BIVM: variants seen among roughly 807,000 people sequenced by gnomAD.
The protein encoded by BIVM is basic, immunoglobulin-like variable motif containing.
Under a neutral mutation model 61.4 loss-of-function variants are expected in BIVM, and 31 were observed. The observed-to-expected ratio is 0.51, with a 90% CI of 0.38 to 0.68. The LOEUF is 0.68. Ranked by LOEUF, BIVM falls within the 30% of genes least tolerant of loss-of-function variation. The pLI, the probability that BIVM is intolerant of heterozygous loss-of-function variation, is 0.00. For missense variants in BIVM, 526 were observed against 596.0 expected (o/e 0.88, Z 1.22); for synonymous variants, 189 against 210.7 (o/e 0.90, Z 0.89).
rs1397697253 is a variant in BIVM at position 102,840,495 on chromosome 13, T to G, written c.*630T>G. ...TCCTGGAGATCGAGACCATCCTGGC[T>G]AACATGGTGAAACCCCGTCTCTACT... On this transcript the variant is annotated 3_prime_UTR_variant, in exon 11 of 11. Coordinates refer to ENST00000257336, the MANE Select transcript of BIVM (RefSeq NM_017693.4). 1 of 152,266 alleles carries G rather than the reference T, an allele frequency of 6.6e-6. No homozygotes were observed. Among genetic ancestry groups the G allele is most frequent in the Non-Finnish European group, 1.5e-5 (1 of 68,204 alleles). The allele number at this position is 152,266 out of a possible 1,614,324, so 9.4% of individuals were successfully genotyped here.
At position 102,822,589 on chromosome 13, in the gene BIVM, T is replaced by C. The variant is rs569626975; in HGVS notation, c.901+430T>C. Reference sequence around the variant, plus strand: ...TTGATGTTAGACCTGTGTGGTGACATATAATGGCAGGAAAATAGACTGTTG... The same window carrying C: ...TTGATGTTAGACCTGTGTGGTGACACATAATGGCAGGAAAATAGACTGTTG... On this transcript the variant is annotated intron_variant, in intron 7 of 10. Transcript: ENST00000257336. Among the ~76,000 whole-genome samples the C allele has an allele frequency of 4.6e-5, 7 of 152,310 alleles. No homozygotes were observed. The East Asian group carries it at 1.4e-3, about 29-fold the overall frequency.
At chr13:102,829,034 A>G (rs1469429891) in intron 7 of BIVM, among the ~76,000 whole-genome samples, 2 of 151,870 alleles carry the variant, frequency 1.3e-5, no homozygotes, top group African/African-American at 4.8e-5. Flanking sequence ...TTAAAATAAA[A>G]AAGATGTCAG....
Position 102,805,346 on chromosome 13 carries a change from G to T in BIVM, c.-167G>T, listed in dbSNP as rs1247626510. 1 of 152,192 alleles carries T rather than the reference G, an allele frequency of 6.6e-6. No individual in the cohort carries two copies. The highest frequency in any genetic ancestry group is 2.4e-5 in the African/African-American group (1 of 41,432). 9.4% of individuals were successfully genotyped at this position (152,192 alleles called of 1,614,324 possible). ...TTGAAATTCAGTTTTTCCTGAAACT[G>T]ATCAGAAGTTAGTGACACCTTGATT... On this transcript the variant is annotated 5_prime_UTR_variant, in exon 2 of 11. Coordinates refer to ENST00000257336, the MANE Select transcript of BIVM (RefSeq NM_017693.4).
chr13:102,829,754 G>A (rs1880933080), intron 7 of BIVM, among the ~76,000 whole-genome samples: 1 of 152,118 alleles, frequency 6.6e-6, no homozygotes, highest in African/African-American at 2.4e-5. Flanking sequence ...CATGAGGATT[G>A]TTTGAACCGG....
At chr13:102,806,180 A>C (rs1879066021) in intron 2 of BIVM, among the ~76,000 whole-genome samples, 1 of 68,834 alleles carries the variant, frequency 1.5e-5, no homozygotes, top group Admixed American at 1.4e-4. Context: ...TGAGGTGTTA[A>C]TCTCATTGTG....
chr13:102,807,017 C>A lies in BIVM; in HGVS notation c.-122-129C>A. On this transcript the variant is annotated intron_variant, in intron 2 of 10. Transcript: ENST00000257336. The surrounding 1 kb of genome is among the most constrained non-coding windows in gnomAD (Gnocchi z 4.0). ...TTAAAAAATAAGATAGTGATTGTGACTCCAGTCATATAGTAGTTGTAAAAT... is the reference window on the plus strand; with the variant it reads ...TTAAAAAATAAGATAGTGATTGTGAATCCAGTCATATAGTAGTTGTAAAAT... The A allele has an allele frequency of 2.7e-6, 1 of 363,714 alleles. No individual in the cohort carries two copies. The highest frequency in any genetic ancestry group is 4.9e-6 in the Non-Finnish European group (1 of 204,802). 22.5% of individuals were successfully genotyped at this position (363,714 alleles called of 1,614,324 possible).
chr13:102,832,768 T>G (rs1881180221), intron 8 of BIVM, among the ~76,000 whole-genome samples: 2 of 152,256 alleles, frequency 1.3e-5, no homozygotes, highest in Non-Finnish European at 2.9e-5. Flanking sequence ...CTTTCATGGT[T>G]ATATTTCTTT....
intron 6 of BIVM, 66 bp downstream of exon 6, chr13:102,821,913 T>C: frequency 6.4e-7 from 1 of 1,566,382 alleles, no homozygotes; most frequent in Non-Finnish European, 8.8e-7. Context: ...GATGTAGATG[T>C]GTGTTGATAG....
At chr13:102,813,537 T>C (rs1320721479) in intron 3 of BIVM, among the ~76,000 whole-genome samples, 1 of 152,232 alleles carries the variant, frequency 6.6e-6, no homozygotes, top group Non-Finnish European at 1.5e-5. Flanking sequence ...TCTACTTTAA[T>C]TTCTTATCTG....
rs1014420542 is a variant in BIVM, at chr13:102,803,697, C to G, written c.-206-1610C>G. On this transcript the variant is annotated intron_variant, in intron 1 of 10. Transcript: ENST00000257336. ...ATAACCTTTGTCTATTGCCTCTCACCGAGACTATATGCTCTTTCATTCCTC... is the reference window on the plus strand; with the variant it reads ...ATAACCTTTGTCTATTGCCTCTCACGGAGACTATATGCTCTTTCATTCCTC... Among the ~76,000 whole-genome samples the G allele has an allele frequency of 3.3e-5, 5 of 152,020 alleles. No individual in the cohort carries two copies. In the East Asian group the frequency reaches 5.8e-4, roughly 18 times the overall value.
intron 7 of BIVM, among the ~76,000 whole-genome samples, chr13:102,824,387 TTTAAAATA>T (rs1352218807): frequency 6.6e-6 from 1 of 152,252 alleles, no homozygotes; most frequent in Non-Finnish European, 1.5e-5. Context: ...TTAATTTCTT[TTTAAAATA>T]TGAGGGTCAC....
chr13:102,841,317 T>C lies in BIVM; in HGVS notation c.*1452T>C, dbSNP rs1256384254. 4.6e-5 allele frequency: 7 copies of C among 152,774 alleles called. No individual in the cohort carries two copies. The East Asian group carries it at 1.3e-3, about 29-fold the overall frequency. The allele number at this position is 152,774 out of a possible 1,614,324, so 9.5% of individuals were successfully genotyped here. ...GGTTCAGATTTTTATTTTTAAAATA[T>C]TTTCATTTTTTTCTTGAATTTTATA... On this transcript the variant is annotated 3_prime_UTR_variant, in exon 11 of 11. Coordinates refer to ENST00000257336, the MANE Select transcript of BIVM (RefSeq NM_017693.4).
At chr13:102,813,453 C>G (rs9518843) in intron 3 of BIVM, among the ~76,000 whole-genome samples, 54,441 of 151,908 alleles carry the variant, frequency 0.36, 11,643 homozygotes, top group Non-Finnish European at 0.49. Flanking sequence ...GCTTCTATTT[C>G]TCATCTGAGA....
At chr13:102,838,777 G>T in intron 10 of BIVM, 38 bp downstream of exon 10, 1 of 1,585,116 alleles carries the variant, frequency 6.3e-7, no homozygotes. Flanking sequence ...GCATTTCCCA[G>T]CTGACCAAAA....
intron 1 of BIVM, among the ~76,000 whole-genome samples, chr13:102,804,396 C>T (rs758449035): frequency 2.6e-5 from 4 of 152,296 alleles, no homozygotes; most frequent in Non-Finnish European, 5.9e-5. Flanking sequence ...CTGCAACCTC[C>T]ACCTCCTGGG....
intron 1 of BIVM, among the ~76,000 whole-genome samples, chr13:102,799,905 G>T (rs921336315): frequency 6.6e-6 from 1 of 152,216 alleles, no homozygotes; most frequent in Non-Finnish European, 1.5e-5. Context: ...TCCACGCCAC[G>T]CTGGGCAGGG....
rs551772344 is a variant in BIVM, at chr13:102,831,372, A to C, written c.902-193A>C. Among the ~76,000 whole-genome samples the C allele has an allele frequency of 1.2e-3, 184 of 152,360 alleles. 1 individual carries two copies. Among genetic ancestry groups the C allele is most frequent in the African/African-American group, 4.2e-3 (173 of 41,600 alleles). On this transcript the variant is annotated intron_variant, in intron 7 of 10. Coordinates refer to ENST00000257336, the MANE Select transcript of BIVM (RefSeq NM_017693.4). Reference sequence around the variant, plus strand: ...TTGCTAATGAGCTTACCTGAATTTCAGTTTAAAGAGTAAAACAGAATACAT... The same window carrying C: ...TTGCTAATGAGCTTACCTGAATTTCCGTTTAAAGAGTAAAACAGAATACAT...
At chr13:102,800,408 T>A (rs1339089634) in intron 1 of BIVM, 1 of 152,292 alleles carries the variant, frequency 6.6e-6, no homozygotes, top group Non-Finnish European at 1.5e-5. Flanking sequence ...CGGCGGCCCT[T>A]GGGCTCTGCG....
At chr13:102,815,151 C>T (rs1237866186) in intron 3 of BIVM, among the ~76,000 whole-genome samples, 1 of 152,134 alleles carries the variant, frequency 6.6e-6, no homozygotes, top group Admixed American at 6.6e-5. Context: ...CAGAAATTCC[C>T]TGTGTAATAA....
Sources: allele counts gnomAD v4.1 joint callset (sites outside exome capture counted in the v4.1 genomes callset), GRCh38; gene constraint gnomAD v4.1.1; non-coding constraint Gnocchi (gnomAD v3.1); transcripts MANE v1.5; gene names NCBI Gene and HGNC (gene_info 2026-07-23, HGNC 2026-07-21).